The following UNC13C variants were observed in gnomAD, a reference collection of about 807,000 sequenced individuals.
UNC13C encodes the protein protein unc-13 homolog C.
A neutral mutation model predicts 245.4 loss-of-function variants in UNC13C; 174 were observed. The observed-to-expected ratio is 0.71, with a 90% confidence interval of 0.63 to 0.80. The LOEUF is 0.80. UNC13C is among the 30% of genes least tolerant of loss of function. UNC13C has a pLI of 0.00. For missense variants in UNC13C, 2,829 were observed against 2,602.9 expected (o/e 1.09, Z -1.89); for synonymous variants, 992 against 895.1 (o/e 1.11, Z -1.93).
chr15:54,173,029 G>A (rs546538117), intron 4 of UNC13C, among the ~76,000 whole-genome samples: 2 of 151,762 alleles, frequency 1.3e-5, no homozygotes, highest in South Asian at 4.2e-4. Flanking sequence ...CTTCTGTTGA[G>A]AATGAGCTGA....
chr15:54,615,556 T>C (rs1900375931), intron 30 of UNC13C, among the ~76,000 whole-genome samples: 1 of 152,096 alleles, frequency 6.6e-6, no homozygotes, highest in African/African-American at 2.4e-5. Context: ...TTTTTTTACC[T>C]CCACCTCTCT....
intron 2 of UNC13C, among the ~76,000 whole-genome samples, chr15:54,141,799 C>T (rs186749542): frequency 1.8e-4 from 27 of 152,106 alleles, no homozygotes; most frequent in African/African-American, 6.5e-4. Flanking sequence ...ACATTTTACC[C>T]TGTTTTGCAT....
intron 2 of UNC13C, among the ~76,000 whole-genome samples, chr15:54,062,059 C>T (rs1897865554): frequency 6.6e-6 from 1 of 152,092 alleles, no homozygotes; most frequent in South Asian, 2.1e-4. Context: ...GTGGCTCACA[C>T]CTGTAATCCC....
chr15:54,569,219 C>T (rs1016502117), intron 30 of UNC13C, among the ~76,000 whole-genome samples: 3 of 152,026 alleles, frequency 2.0e-5, no homozygotes, highest in African/African-American at 7.3e-5. Flanking sequence ...CTCCAACACA[C>T]ACTCATATAC....
rs374457152 is a variant in UNC13C at position 54,227,326 on chromosome 15, A to G, written c.3072-7704A>G. 6.5e-4 allele frequency among the ~76,000 whole-genome samples: 99 copies of G among 152,238 alleles called. 1 individual carries two copies. The South Asian group carries it at 0.014, about 22-fold the overall frequency. On this transcript the variant is annotated intron_variant, in intron 4 of 32. Coordinates refer to ENST00000260323, the MANE Select transcript of UNC13C (RefSeq NM_001080534.3). ...GCTGTGGACTCCACCCAGAACTGGC[A>G]GCCCAGTCCCCAGGCTTCAAGCCAT...
intron 2 of UNC13C, among the ~76,000 whole-genome samples, chr15:54,125,718 G>T (rs1239592542): frequency 6.6e-6 from 1 of 152,116 alleles, no homozygotes. Flanking sequence ...TATCTATTTT[G>T]CAGCTTTTTA....
At chr15:53,976,477 C>CTTTTTTTTTTTTTTTTTTTTTTTT (rs10682648), upstream of UNC13C, among the ~76,000 whole-genome samples, 12 of 63,020 alleles carry the variant, frequency 1.9e-4, 2 homozygotes, top group Non-Finnish European at 2.8e-4. Flanking sequence ...CTCTCTCTCT[C>CTTTTTTTTTTTTTTTTTTTTTTTT]TTTTTTTTTT....
At chr15:54,099,837 G>A (rs375019100) in intron 2 of UNC13C, among the ~76,000 whole-genome samples, 14 of 152,250 alleles carry the variant, frequency 9.2e-5, no homozygotes, top group East Asian at 3.9e-4. Context: ...GCTCATGCCT[G>A]TAATCCCAGC....
intron 4 of UNC13C, among the ~76,000 whole-genome samples, chr15:54,198,520 G>T (rs2034427664): frequency 6.6e-6 from 1 of 152,144 alleles, no homozygotes; most frequent in Non-Finnish European, 1.5e-5. Flanking sequence ...AGCTGAAAAT[G>T]GATCATATCA....
At chr15:54,463,519 G>A (rs1891997190) in intron 19 of UNC13C, among the ~76,000 whole-genome samples, 1 of 151,844 alleles carries the variant, frequency 6.6e-6, no homozygotes, top group Admixed American at 6.6e-5. Flanking sequence ...CAACTCTGGA[G>A]GAGAGGAGCA....
chr15:53,870,364 A>T, the UNC13C span, among the ~76,000 whole-genome samples: 1 of 151,908 alleles, frequency 6.6e-6, no homozygotes, highest in African/African-American at 2.4e-5. Context: ...ATGCATTCTC[A>T]CCTTCTCTGT....
At chr15:54,505,377 C>T (rs577115888) in intron 22 of UNC13C, among the ~76,000 whole-genome samples, 31 of 152,216 alleles carry the variant, frequency 2.0e-4, no homozygotes, top group African/African-American at 7.2e-4. Context: ...TTGGAATTAC[C>T]TTAGACTTGT....
At chr15:54,098,432 C>T (rs1008645890) in intron 2 of UNC13C, among the ~76,000 whole-genome samples, 24 of 152,282 alleles carry the variant, frequency 1.6e-4, no homozygotes, top group African/African-American at 5.8e-4. Context: ...ACCTTGGCCT[C>T]CCAAAGTGCT....
intron 19 of UNC13C, among the ~76,000 whole-genome samples, chr15:54,423,797 G>T (rs891963900): frequency 1.1e-4 from 17 of 151,688 alleles, no homozygotes; most frequent in African/African-American, 2.2e-4. Context: ...ATTTAACTTT[G>T]TATTTTTTCT....
At chr15:54,295,780 T>A (rs758112740) in intron 11 of UNC13C, among the ~76,000 whole-genome samples, 1 of 152,126 alleles carries the variant, frequency 6.6e-6, no homozygotes, top group Non-Finnish European at 1.5e-5. Context: ...ATGCTGAAAC[T>A]GTCCTTCAGT....
chr15:54,223,664 G>A (rs987111470), intron 4 of UNC13C, among the ~76,000 whole-genome samples: 2 of 151,714 alleles, frequency 1.3e-5, no homozygotes, highest in Non-Finnish European at 1.5e-5. Context: ...TTCTTTTTCT[G>A]TGAAGAAGGG....
chr15:54,162,041 A>T (rs772063800), intron 4 of UNC13C, among the ~76,000 whole-genome samples: 3 of 152,308 alleles, frequency 2.0e-5, no homozygotes, highest in East Asian at 1.9e-4. Context: ...GTCATCCAGC[A>T]TTCTTATTTT....
chr15:54,625,850 C>T (rs895632522), intron 32 of UNC13C, among the ~76,000 whole-genome samples: 1 of 152,156 alleles, frequency 6.6e-6, no homozygotes, highest in Admixed American at 6.6e-5. Flanking sequence ...TTAGATATAA[C>T]ACAGTGAGCT....
Position 54,182,786 on chromosome 15 carries a change from T to C in UNC13C, c.3071+39102T>C, listed in dbSNP as rs2033845223. On this transcript the variant is annotated intron_variant, in intron 4 of 32. Coordinates refer to ENST00000260323, the MANE Select transcript of UNC13C (RefSeq NM_001080534.3). ...TGAAGGAAAATAATTCCAAGAAGCA[T>C]GGAACTTTAGGAAAGATAGAAAAGT... Among the ~76,000 whole-genome samples, 3 of 152,120 alleles carry C rather than the reference T, an allele frequency of 2.0e-5. No individual in the cohort carries two copies. The South Asian group carries it at 6.2e-4, about 32-fold the overall frequency.
Sources: gnomAD v4.1 joint callset for allele counts (sites outside exome capture counted in the v4.1 genomes callset) on GRCh38, gnomAD v4.1.1 for gene constraint, MANE v1.5 for transcripts, NCBI Gene and HGNC (gene_info 2026-07-23, HGNC 2026-07-21) for gene names.